The following ZNF518A variants were observed in gnomAD, a reference collection of about 807,000 sequenced individuals.
ZNF518A encodes the protein zinc finger protein 518.
Under a neutral mutation model 102.7 loss-of-function variants are expected in ZNF518A, and 47 were observed. That is an observed-to-expected ratio of 0.46 (90% CI 0.36 to 0.58). ZNF518A has a LOEUF of 0.58. Ranked by LOEUF, ZNF518A falls within the 20% of genes least tolerant of loss-of-function variation. The pLI is 0.00. For synonymous variants in ZNF518A, 652 were observed against 594.6 expected (o/e 1.10, Z -1.40); for missense variants, 1,793 against 1,699.8 (o/e 1.05, Z -0.96).
chr10:96,137,352 CA>C (rs1802343946), intron 3 of ZNF518A, among the ~76,000 whole-genome samples: 1 of 152,056 alleles, frequency 6.6e-6, no homozygotes, highest in African/African-American at 2.4e-5. Flanking sequence ...TAAATTGAAA[CA>C]AAACAAAACA....
chr10:96,193,614 T>G (rs1469170569), intron 1 of ZNF518A, among the ~76,000 whole-genome samples: 2 of 152,184 alleles, frequency 1.3e-5, no homozygotes, highest in African/African-American at 4.8e-5. Context: ...TTCCCCTCAC[T>G]CTCCTTTTTT....
intron 1 of ZNF518A, among the ~76,000 whole-genome samples, chr10:96,172,158 T>C (rs190938200): frequency 1.8e-3 from 276 of 151,498 alleles, no homozygotes; most frequent in Non-Finnish European, 3.4e-3. Flanking sequence ...TAATTTGAAT[T>C]CACAGGAAAA....
intron 4 of ZNF518A, 51 bp from the exon 5 acceptor site, chr10:96,155,873 T>C (rs1215474835): frequency 1.3e-5 from 2 of 152,680 alleles, no homozygotes; most frequent in African/African-American, 2.4e-5. Flanking sequence ...ATCACCTTAA[T>C]ATAAAAATCT....
intron 1 of ZNF518A, among the ~76,000 whole-genome samples, chr10:96,170,696 C>T (rs1420034518): frequency 2.0e-5 from 3 of 152,120 alleles, no homozygotes; most frequent in Non-Finnish European, 4.4e-5. Flanking sequence ...ATTTCAAAGT[C>T]TTTGCTATTT....
intron 1 of ZNF518A, 31 bp from the exon 2 acceptor site, chr10:96,132,555 A>G (rs927510365): frequency 1.3e-5 from 2 of 151,768 alleles, no homozygotes; most frequent in South Asian, 4.1e-4. Flanking sequence ...TTTGTCGTCA[A>G]AAGTTTTAAA....
intron 3 of ZNF518A, among the ~76,000 whole-genome samples, chr10:96,139,358 T>G (rs1417383510): frequency 6.6e-6 from 1 of 152,130 alleles, no homozygotes; most frequent in Non-Finnish European, 1.5e-5. Context: ...TGATGGCATT[T>G]GGAAGTGGGG....
chr10:96,137,697 T>A (rs587634125), intron 3 of ZNF518A, among the ~76,000 whole-genome samples: 2 of 152,354 alleles, frequency 1.3e-5, no homozygotes, highest in South Asian at 4.1e-4. Context: ...TGTTATAGAA[T>A]CTTGAGGCTC....
At chr10:96,136,359 C>T (rs1471087491) in intron 3 of ZNF518A, among the ~76,000 whole-genome samples, 2 of 149,750 alleles carry the variant, frequency 1.3e-5, no homozygotes, top group African/African-American at 4.9e-5. Flanking sequence ...TATAACCTTT[C>T]TCAAAAAGGG....
In ZNF518A at chr10:96,159,493, T is replaced by C. The variant is rs782274229; in HGVS notation, c.3171T>C (p.Ser1057=). Residue 1057 remains serine (S), a synonymous_variant, in exon 6 of 6, where the codon AGT becomes AGC. Transcript: ENST00000316045. Reference sequence around the variant, plus strand: ...GCCCTTACATTTTGAAACCAACGAGTTCTGTGAAAGCTGTTCTTATTCCTA... The same window carrying C: ...GCCCTTACATTTTGAAACCAACGAGCTCTGTGAAAGCTGTTCTTATTCCTA... ...LKGPYILKPT[S]SVKAVLIPNM... 7 of 1,613,746 alleles carry C rather than the reference T, an allele frequency of 4.3e-6. No homozygotes were observed. The highest frequency in any genetic ancestry group is 2.2e-5 in the South Asian group (2 of 91,078).
downstream of ZNF518A, among the ~76,000 whole-genome samples, chr10:96,167,203 G>A (rs782260806): frequency 1.1e-4 from 16 of 152,218 alleles, no homozygotes; most frequent in Non-Finnish European, 1.9e-4. Flanking sequence ...GTTCATGCCT[G>A]TAATGCCAGC....
chr10:96,137,120 CTTTA>C (rs1554874747), intron 3 of ZNF518A, among the ~76,000 whole-genome samples: 1 of 152,228 alleles, frequency 6.6e-6, no homozygotes, highest in African/African-American at 2.4e-5. Flanking sequence ...CTGCTAGCAT[CTTTA>C]TTTATCCTCC....
At chr10:96,138,124 A>G (rs1243762675) in intron 3 of ZNF518A, among the ~76,000 whole-genome samples, 1 of 150,766 alleles carries the variant, frequency 6.6e-6, no homozygotes, top group Non-Finnish European at 1.5e-5. Flanking sequence ...ACCACCATCA[A>G]CTCTTACTTG....
At chr10:96,145,380 A>G (rs1055524367) in intron 3 of ZNF518A, among the ~76,000 whole-genome samples, 2 of 152,136 alleles carry the variant, frequency 1.3e-5, no homozygotes, top group Non-Finnish European at 2.9e-5. Context: ...GCATCTTTTT[A>G]TTTATGTAAC....
At chr10:96,150,150 C>A (rs1313830549) in intron 3 of ZNF518A, among the ~76,000 whole-genome samples, 2 of 148,192 alleles carry the variant, frequency 1.3e-5, no homozygotes, top group African/African-American at 4.9e-5. Context: ...CAGTGAAACC[C>A]CGTCTCTACT....
At position 96,161,229 on chromosome 10, in the gene ZNF518A, CT is replaced by C. The variant is rs1332003817; in HGVS notation, c.*458del. 5.9e-6 allele frequency: 1 copy of C among 168,396 alleles called. No individual in the cohort carries two copies. Among genetic ancestry groups the C allele is most frequent in the Non-Finnish European group, 1.4e-5 (1 of 69,154 alleles). The allele number at this position is 168,396 out of a possible 1,614,324, so 10.4% of individuals were successfully genotyped here. ...GGAGTTTCTCACATTTGTGAAGATA[CT>C]TTGAGAGAACCTGGGTAAAGAAGTC... On this transcript the variant is annotated 3_prime_UTR_variant, in exon 6 of 6. Coordinates refer to ENST00000316045, the MANE Select transcript of ZNF518A (RefSeq NM_001330736.2).
rs1554882565 is a variant in ZNF518A at position 96,156,597 on chromosome 10, G to T, written c.275G>T (p.Cys92Phe). Residue 92 changes from cysteine to phenylalanine, a missense_variant, in exon 6 of 6, where the codon TGT (cysteine) becomes TTT (phenylalanine). Cys to Phe is a radical substitution (Grantham distance 205). Coordinates refer to ENST00000316045, the MANE Select transcript of ZNF518A (RefSeq NM_001330736.2). Reference protein sequence around the residue: ...RKSISIKTVSCVEECTLLHKS... With the variant: ...RKSISIKTVSFVEECTLLHKS... ...TCTATCAGTATAAAGACTGTAAGCT[G>T]TGTAGAGGAGTGTACATTGCTTCAT... 9 of 1,613,734 alleles carry T rather than the reference G, an allele frequency of 5.6e-6. No homozygotes were observed. In the Admixed American group the frequency reaches 8.3e-5, roughly 15 times the overall value.
intron 1 of ZNF518A, among the ~76,000 whole-genome samples, chr10:96,168,845 T>G (rs2083157947): frequency 6.6e-6 from 1 of 152,226 alleles, no homozygotes; most frequent in Non-Finnish European, 1.5e-5. Context: ...ATGCATATTT[T>G]TGAGTTTATG....
Position 96,156,221 on chromosome 10 carries a change from G to A in ZNF518A, c.-102G>A. Reference sequence around the variant, plus strand: ...GGTGAGTTATTGTGGGAAAAATCCTGTATATTGAAGATGTCTCTACACAGT... The same window carrying A: ...GGTGAGTTATTGTGGGAAAAATCCTATATATTGAAGATGTCTCTACACAGT... On this transcript the variant is annotated 5_prime_UTR_variant, in exon 6 of 6. Coordinates refer to ENST00000316045, the MANE Select transcript of ZNF518A (RefSeq NM_001330736.2). The A allele has an allele frequency of 9.1e-7, 1 of 1,099,508 alleles. No homozygotes were observed. The allele number at this position is 1,099,508 out of a possible 1,614,324, so 68.1% of individuals were successfully genotyped here.
intron 1 of ZNF518A, among the ~76,000 whole-genome samples, chr10:96,195,200 G>A (rs587640929): frequency 6.6e-6 from 1 of 152,316 alleles, no homozygotes; most frequent in South Asian, 2.1e-4. Flanking sequence ...AAACCCTCGT[G>A]TGCTGTTGGT....
Sources: gnomAD v4.1 joint callset for allele counts (sites outside exome capture counted in the v4.1 genomes callset) on GRCh38, gnomAD v4.1.1 for gene constraint, MANE v1.5 for transcripts, NCBI Gene and HGNC (gene_info 2026-07-23, HGNC 2026-07-21) for gene names.